The following RBFOX1 variants were observed in gnomAD, a reference collection of about 807,000 sequenced individuals.
The protein encoded by RBFOX1 is RNA binding protein fox-1 homolog 1.
Under a neutral mutation model 57.7 loss-of-function variants are expected in RBFOX1, and 8 were observed. That is an observed-to-expected ratio of 0.14 (90% confidence interval 0.08 to 0.25). RBFOX1 has a LOEUF of 0.25. Among genes scored for constraint, RBFOX1 ranks in the 10% least tolerant of loss-of-function variants. The pLI is 1.00. For missense variants in RBFOX1, 611 were observed against 548.5 expected (o/e 1.11, Z -1.14); for synonymous variants, 326 against 222.4 (o/e 1.47, Z -4.15).
chr16:6,395,466 T>C (rs1212302133), intron 2 of RBFOX1, among the ~76,000 whole-genome samples: 1 of 152,222 alleles, frequency 6.6e-6, no homozygotes, highest in Non-Finnish European at 1.5e-5. Context: ...ACCTTGTGAC[T>C]ATTGCATGGT....
intron 4 of RBFOX1, among the ~76,000 whole-genome samples, chr16:7,147,863 G>C (rs2075335513): frequency 6.6e-6 from 1 of 152,170 alleles, no homozygotes; most frequent in South Asian, 2.1e-4. Context: ...TTGAATGGTA[G>C]TTCTGTTTAA....
chr16:6,380,298 A>T (rs2091660372), intron 2 of RBFOX1, among the ~76,000 whole-genome samples: 1 of 151,966 alleles, frequency 6.6e-6, no homozygotes, highest in African/African-American at 2.4e-5. Context: ...CTCCTTGGAA[A>T]GAGAACAGTG....
At chr16:6,925,085 C>T (rs558025569) in intron 3 of RBFOX1, among the ~76,000 whole-genome samples, 52 of 109,146 alleles carry the variant, frequency 4.8e-4, no homozygotes, top group African/African-American at 1.3e-3. Context: ...TCCAGTCTAT[C>T]GTTGTTGGAC....
At chr16:7,127,112 A>G (rs965634506) in intron 4 of RBFOX1, among the ~76,000 whole-genome samples, 5 of 150,284 alleles carry the variant, frequency 3.3e-5, no homozygotes, top group African/African-American at 1.2e-4. Context: ...GGAGCACTTC[A>G]TGTGGTCATA....
chr16:6,100,582 G>A (rs751992324), intron 1 of RBFOX1, among the ~76,000 whole-genome samples: 3 of 152,192 alleles, frequency 2.0e-5, no homozygotes, highest in Non-Finnish European at 4.4e-5. Context: ...AAGATGATCA[G>A]TTTGGATTCT....
chr16:6,486,231 T>G (rs751049575), intron 2 of RBFOX1, among the ~76,000 whole-genome samples: 5 of 151,992 alleles, frequency 3.3e-5, no homozygotes, highest in Non-Finnish European at 7.4e-5. Context: ...TCCTCATTGT[T>G]GTCTTTGATT....
chr16:6,153,033 G>GTTTTT (rs59957159), intron 1 of RBFOX1, among the ~76,000 whole-genome samples: 117 of 128,112 alleles, frequency 9.1e-4, no homozygotes, highest in African/African-American at 3.3e-3. Context: ...GTTATTTTCT[G>GTTTTT]TTTTTTTTTT....
chr16:7,614,797 T>A (rs551989031), intron 10 of RBFOX1: 10 of 152,338 alleles, frequency 6.6e-5, no homozygotes, highest in African/African-American at 2.4e-4. Context: ...TCTCCTCAAA[T>A]CCTTATGAAA....
chr16:5,315,894 A>G (rs950089444), intron 1 of RBFOX1, among the ~76,000 whole-genome samples: 6 of 152,102 alleles, frequency 3.9e-5, no homozygotes, highest in Non-Finnish European at 8.8e-5. Flanking sequence ...GACTCATCAT[A>G]CATTCTCATA....
At chr16:7,322,355 T>G (rs190400671) in intron 4 of RBFOX1, among the ~76,000 whole-genome samples, 1 of 152,250 alleles carries the variant, frequency 6.6e-6, no homozygotes, top group Non-Finnish European at 1.5e-5. Context: ...GAATGCTGAC[T>G]GGCAGGTTCA....
chr16:5,480,000 C>A (rs1014916223), intron 2 of RBFOX1, among the ~76,000 whole-genome samples: 1 of 152,072 alleles, frequency 6.6e-6, no homozygotes, highest in African/African-American at 2.4e-5. Context: ...TGGCCTTCCT[C>A]CTTGCCTACA....
At chr16:6,759,123 G>A (rs1603598567) in intron 3 of RBFOX1, among the ~76,000 whole-genome samples, 1 of 150,644 alleles carries the variant, frequency 6.6e-6, no homozygotes. Context: ...AGTAGAAAAA[G>A]TGGAGTTTCA....
chr16:5,532,235 C>G (rs1006355639), intron 2 of RBFOX1, among the ~76,000 whole-genome samples: 6 of 152,218 alleles, frequency 3.9e-5, no homozygotes, highest in African/African-American at 1.4e-4. Flanking sequence ...GGGCCTCTAT[C>G]CATTATCTTC....
At chr16:6,820,594 G>C (rs949157866) in intron 3 of RBFOX1, among the ~76,000 whole-genome samples, 1 of 152,134 alleles carries the variant, frequency 6.6e-6, no homozygotes, top group Non-Finnish European at 1.5e-5. Context: ...GGGAGTTAGA[G>C]GCTGCTGCAA....
intron 2 of RBFOX1, among the ~76,000 whole-genome samples, chr16:6,396,545 A>G (rs1203429423): frequency 6.6e-6 from 1 of 152,234 alleles, no homozygotes. Context: ...GTGGGAAGCC[A>G]TAGCTGGACG....
intron 4 of RBFOX1, among the ~76,000 whole-genome samples, chr16:7,260,437 A>G (rs1190121906): frequency 6.6e-6 from 1 of 152,142 alleles, no homozygotes; most frequent in African/African-American, 2.4e-5. Flanking sequence ...AAAGCTCCCA[A>G]ACTGTTTTGT....
At chr16:7,229,604 A>AGGAAGGAG (rs2093359623) in intron 4 of RBFOX1, among the ~76,000 whole-genome samples, 1 of 128,274 alleles carries the variant, frequency 7.8e-6, no homozygotes, top group African/African-American at 3.0e-5. Context: ...GAAGGAAGGA[A>AGGAAGGAG]GGAAGGAGAA....
chr16:6,088,942 A>G (rs2096128800), intron 1 of RBFOX1, among the ~76,000 whole-genome samples: 1 of 151,974 alleles, frequency 6.6e-6, no homozygotes, highest in African/African-American at 2.4e-5. Flanking sequence ...TAAAAATACA[A>G]AAAATTAGCT....
intron 4 of RBFOX1, among the ~76,000 whole-genome samples, chr16:7,263,659 G>C (rs2095013810): frequency 6.6e-6 from 1 of 152,022 alleles, no homozygotes; most frequent in Non-Finnish European, 1.5e-5. Context: ...GCACAGAGAG[G>C]CCGAGGCAGG....
Sources: gnomAD v4.1 joint callset for allele counts (sites outside exome capture counted in the v4.1 genomes callset) on GRCh38, gnomAD v4.1.1 for gene constraint, MANE v1.5 for transcripts, NCBI Gene and HGNC (gene_info 2026-07-23, HGNC 2026-07-21) for gene names.